BCAP29: variants seen among roughly 807,000 people sequenced by gnomAD.
BCAP29 encodes the protein B-cell receptor-associated protein 29.
In BCAP29, 34 loss-of-function variants were observed where a neutral mutation model predicts 31.8. The observed-to-expected ratio is 1.07, with a 90% CI of 0.81 to 1.42. The LOEUF (loss-of-function observed/expected upper bound fraction) is 1.42. Ranked by LOEUF, BCAP29 falls within the 40% of genes most tolerant of loss-of-function variation. The probability of loss-of-function intolerance (pLI) is 0.00; values close to 1 mark genes in which losing one functional copy is unlikely to be tolerated. For synonymous variants in BCAP29, 104 were observed against 91.3 expected, an observed-to-expected ratio of 1.14 and a Z score of -0.79; for missense variants, 314 against 269.2, an observed-to-expected ratio of 1.17 and a Z score of -1.16.
chr7:107,584,580 C>T (rs1807293409), intron 3 of BCAP29, among the ~76,000 whole-genome samples: 1 of 152,018 alleles, frequency 6.6e-6, no homozygotes, highest in African/African-American at 2.4e-5. Flanking sequence ...TGGTGATGTG[C>T]ACCCATAGTC....
intron 6 of BCAP29, among the ~76,000 whole-genome samples, 172 bp downstream of exon 6, chr7:107,600,677 A>G (rs1811015455): frequency 6.6e-6 from 1 of 152,238 alleles, no homozygotes; most frequent in African/African-American, 2.4e-5. Flanking sequence ...ATGTCAGCCA[A>G]GAGAAACATG....
intron 7 of BCAP29, chr7:107,613,657 T>G (rs1813626464): frequency 1.2e-6 from 2 of 1,605,296 alleles, no homozygotes; most frequent in African/African-American, 2.9e-5. Flanking sequence ...CTTACAGCAT[T>G]CCAGTTTTGG....
At position 107,580,782 on chromosome 7, in the gene BCAP29, C is replaced by T; in HGVS notation, c.10C>T (p.Gln4Ter). The T allele has an allele frequency of 6.3e-7, 1 of 1,598,154 alleles. No homozygotes were observed. Among genetic ancestry groups the T allele is most frequent in the Non-Finnish European group, 8.5e-7 (1 of 1,173,580 alleles). Residue 4 changes from glutamine to a stop codon, truncating the protein, a stop_gained, in exon 2 of 8, where the codon CAA becomes TAA. Coordinates refer to ENST00000005259, the MANE Select transcript of BCAP29 (RefSeq NM_018844.4). LOFTEE classifies it high-confidence loss of function. Reference sequence around the variant, plus strand: ...AGGTGTGAAGAAAAAAATGACACTCCAATGGGCTGCAGTGGCAACCTTTCT... The same window carrying T: ...AGGTGTGAAGAAAAAAATGACACTCTAATGGGCTGCAGTGGCAACCTTTCT... MTL[Q>*]WAAVATFLYA... is the part of the protein sequence containing the mutation.
chr7:107,613,862 A>G (rs1813673606), intron 7 of BCAP29: 2 of 643,126 alleles, frequency 3.1e-6, no homozygotes, highest in Non-Finnish European at 5.4e-6. Context: ...ATTCAAATTT[A>G]TCATTTACCT....
chr7:107,586,634 T>C (rs1807736576), intron 3 of BCAP29, among the ~76,000 whole-genome samples: 3 of 152,160 alleles, frequency 2.0e-5, no homozygotes, highest in Admixed American at 2.0e-4. Flanking sequence ...TCATGCTTAA[T>C]TTATATTTTA....
intron 3 of BCAP29, among the ~76,000 whole-genome samples, chr7:107,586,709 C>A (rs1807751575): frequency 6.8e-6 from 1 of 147,310 alleles, no homozygotes; most frequent in African/African-American, 2.5e-5. Context: ...TATACATTTT[C>A]TTTTTATATG....
intron 3 of BCAP29, among the ~76,000 whole-genome samples, chr7:107,588,891 G>A (rs2129222035): frequency 6.6e-6 from 1 of 152,264 alleles, no homozygotes; most frequent in Admixed American, 6.5e-5. Context: ...AAAAGGAACA[G>A]CCAGCAAAAA....
At position 107,611,189 on chromosome 7, in the gene BCAP29, A is replaced by G. The variant is rs372667759; in HGVS notation, c.590-2143A>G. Among the ~76,000 whole-genome samples, 25 of 152,294 alleles carry G rather than the reference A, an allele frequency of 1.6e-4. 1 individual carries two copies. The East Asian group carries it at 2.3e-3, about 14-fold the overall frequency. ...AATCACTCCCCAGCCACGCCTCCCAATACGATCACATTGGTAATTAGGTTT... is the reference window on the plus strand; with the variant it reads ...AATCACTCCCCAGCCACGCCTCCCAGTACGATCACATTGGTAATTAGGTTT... On this transcript the variant is annotated intron_variant, in intron 6 of 7. Transcript: ENST00000005259.
At chr7:107,603,717 C>T (rs552387373) in intron 6 of BCAP29, among the ~76,000 whole-genome samples, 23 of 151,208 alleles carry the variant, frequency 1.5e-4, no homozygotes, top group Admixed American at 1.2e-3. Flanking sequence ...GAGATCCTCC[C>T]GCCTCAGCCT....
downstream of BCAP29, chr7:107,621,759 TTCTTCCCCAGAGCC>T (rs1056815832): frequency 6.3e-6 from 3 of 472,996 alleles, no homozygotes; most frequent in African/African-American, 4.0e-5. Flanking sequence ...AAAGAACAGA[TTCTTCCCCAGAGCC>T]TCTTCCAGCA....
At chr7:107,588,753 TAAG>T (rs1185759988) in intron 3 of BCAP29, among the ~76,000 whole-genome samples, 4 of 152,002 alleles carry the variant, frequency 2.6e-5, no homozygotes, top group Admixed American at 6.6e-5. Context: ...GATTCAAAAA[TAAG>T]AAGGATGTCT....
intron 6 of BCAP29, among the ~76,000 whole-genome samples, chr7:107,601,216 G>A (rs976362883): frequency 6.6e-6 from 1 of 152,146 alleles, no homozygotes. Flanking sequence ...CTCAGTGTAA[G>A]TTTGTGGCTT....
At chr7:107,603,517 G>C (rs1422668775) in intron 6 of BCAP29, 3 of 151,536 alleles carry the variant, frequency 2.0e-5, no homozygotes, top group African/African-American at 7.3e-5. Flanking sequence ...AAGGAAAAGA[G>C]AAAACAGTAA....
At chr7:107,604,918 C>T (rs1811815960) in intron 6 of BCAP29, among the ~76,000 whole-genome samples, 2 of 151,530 alleles carry the variant, frequency 1.3e-5, no homozygotes, top group African/African-American at 4.8e-5. Context: ...GTAAATAAAA[C>T]TCATGACCAA....
chr7:107,621,743 G>A (rs748395075), downstream of BCAP29: 9 of 472,586 alleles, frequency 1.9e-5, no homozygotes, highest in South Asian at 1.4e-4. Context: ...AGAAGCTGGA[G>A]GAGGCAAAGA....
intron 5 of BCAP29, among the ~76,000 whole-genome samples, chr7:107,599,392 C>A (rs1481454304): frequency 7.6e-6 from 1 of 132,368 alleles, no homozygotes; most frequent in Non-Finnish European, 1.6e-5. Flanking sequence ...TGGTGGCACA[C>A]GCCTATAGTC....
intron 6 of BCAP29, among the ~76,000 whole-genome samples, chr7:107,612,968 G>A (rs1364381045): frequency 1.3e-5 from 2 of 152,112 alleles, no homozygotes; most frequent in African/African-American, 4.8e-5. Flanking sequence ...TAAAGGACAT[G>A]ATTAAGACAG....
Position 107,583,893 on chromosome 7 carries a change from T to G in BCAP29, c.104T>G (p.Ile35Ser). ...PFIPPQRWQK[I>S]FSFNVWGKIA... The stretch of plus-strand genomic sequence containing the variant: ...GTATTGCTTTACAGATGGCAGAAGA[T>G]TTTTTCATTTAATGTCTGGGGTAAA... Residue 35 changes from isoleucine (I) to serine (S), a missense_variant, in exon 3 of 8, where the codon ATT becomes AGT. Transcript: ENST00000005259. The G allele has an allele frequency of 1.3e-6, 2 of 1,561,714 alleles. No individual in the cohort carries two copies. Among genetic ancestry groups the G allele is most frequent in the Non-Finnish European group, 1.7e-6 (2 of 1,149,640 alleles).
intron 3 of BCAP29, among the ~76,000 whole-genome samples, chr7:107,590,706 CT>C (rs1319458498): frequency 6.6e-6 from 1 of 151,832 alleles, no homozygotes; most frequent in Non-Finnish European, 1.5e-5. Flanking sequence ...GTAGTCCCAG[CT>C]ACTCAAAAGG....
Sources: allele counts gnomAD v4.1 joint callset (sites outside exome capture counted in the v4.1 genomes callset), GRCh38; gene constraint gnomAD v4.1.1; transcripts MANE v1.5; gene names NCBI Gene and HGNC (gene_info 2026-07-23, HGNC 2026-07-21).